The following SIRPG variants were observed in gnomAD, a reference collection of about 807,000 sequenced individuals.
SIRPG encodes the protein signal regulatory protein gamma.
Under a neutral mutation model 35.7 loss-of-function variants are expected in SIRPG, and 38 were observed. That is an observed-to-expected ratio of 1.06 (90% CI 0.82 to 1.40). The LOEUF (loss-of-function observed/expected upper bound fraction) is 1.40, where lower values mean the gene tolerates loss of function less well. SIRPG is among the 40% of genes most tolerant of loss of function. The probability of loss-of-function intolerance (pLI) is 0.00; values close to 1 mark genes in which losing one functional copy is unlikely to be tolerated. For synonymous variants in SIRPG, 215 were observed against 190.4 expected (o/e 1.13, Z -1.06); for missense variants, 519 against 483.0 (o/e 1.07, Z -0.70).
intron 3 of SIRPG, 31 bp downstream of exon 3, chr20:1,636,157 T>A (rs752836254): frequency 6.2e-7 from 1 of 1,605,320 alleles, no homozygotes; most frequent in South Asian, 1.1e-5. Flanking sequence ...CAGCCAGGTG[T>A]GGGCTTGGGC....
intron 2 of SIRPG, among the ~76,000 whole-genome samples, 168 bp downstream of exon 2, chr20:1,648,884 G>T (rs1011947720): frequency 2.0e-5 from 3 of 152,168 alleles, no homozygotes; most frequent in Non-Finnish European, 4.4e-5. Context: ...TTGAGCAATA[G>T]CATGATGTCC....
At chr20:1,680,448 AC>A in the SIRPG span, among the ~76,000 whole-genome samples, 1 of 152,216 alleles carries the variant, frequency 6.6e-6, no homozygotes, top group Non-Finnish European at 1.5e-5. Context: ...CGCATTGGAA[AC>A]TAAGCTTCCA....
At chr20:1,662,428 G>A (rs1197806846), upstream of SIRPG, among the ~76,000 whole-genome samples, 4 of 152,194 alleles carry the variant, frequency 2.6e-5, no homozygotes, top group East Asian at 3.8e-4. Flanking sequence ...GAAAGGAAAA[G>A]CAATCACTTA....
Position 1,636,302 on chromosome 20 carries a change from T to A in SIRPG, c.634A>T (p.Arg212Trp). The A allele has an allele frequency of 1.2e-6, 2 of 1,614,218 alleles. No individual in the cohort carries two copies. The highest frequency in any genetic ancestry group is 1.7e-6 in the Non-Finnish European group (2 of 1,180,026). The part of the protein sequence containing the change: ...SVAYSIRSTA[R>W]VVLDPWDVRS... ...ACGTCCCAGGGGTCCAGTACCACCC[T>A]GGCTGTGCTGCGGATGCTGTAGGCC... is the stretch of plus-strand genomic sequence containing the variant. The change falls in exon 3 of 6, where the codon AGG (arginine) becomes TGG (tryptophan). Residue 212 changes from arginine (R) to tryptophan (W), a missense_variant. Transcript: ENST00000303415.
intron 1 of SIRPG, among the ~76,000 whole-genome samples, chr20:1,652,263 T>A (rs1331083156): frequency 2.0e-5 from 3 of 152,248 alleles, no homozygotes; most frequent in Non-Finnish European, 2.9e-5. Context: ...CTAGGGGGAA[T>A]ATTTCCTGTT....
At chr20:1,667,647 A>G in the SIRPG span, among the ~76,000 whole-genome samples, 5,078 of 152,308 alleles carry the variant, frequency 0.033, 127 homozygotes, top group Middle Eastern at 0.058. Flanking sequence ...ATGATTATTC[A>G]TAAGGAGGTG....
intron 1 of SIRPG, among the ~76,000 whole-genome samples, chr20:1,654,922 A>C (rs549635633): frequency 6.6e-6 from 1 of 152,246 alleles, no homozygotes; most frequent in Admixed American, 6.5e-5. Context: ...AAGTCAGCGT[A>C]TAAAAAAAAA....
At chr20:1,645,949 C>T (rs2122521227) in intron 2 of SIRPG, 1 of 152,352 alleles carries the variant, frequency 6.6e-6, no homozygotes, top group Middle Eastern at 3.4e-3. Context: ...ATTACACAAC[C>T]TTGAAATAGC....
At chr20:1,665,147 G>C in the SIRPG span, 1 of 152,780 alleles carries the variant, frequency 6.5e-6, no homozygotes, top group Admixed American at 6.5e-5. Flanking sequence ...AGACTCCCAA[G>C]GGTGCAGAGG....
chr20:1,649,143 A>G lies in SIRPG; in HGVS notation c.339T>C (p.Asp113=), dbSNP rs2091919638. ...SIRISSITPA[D]VGTYYCVKFR... is the part of the protein sequence containing the mutation. ...ACTTCACACAGTAGTATGTGCCGAC[A>G]TCTGCTGGGGTGATGCTACTGATGC... The change falls in exon 2 of 6, where the codon GAT becomes GAC. Residue 113 remains aspartate (D), a synonymous_variant. Transcript: ENST00000303415. 6.2e-7 allele frequency: 1 copy of G among 1,613,896 alleles called. No homozygotes were observed. Among genetic ancestry groups the G allele is most frequent in the African/African-American group, 1.3e-5 (1 of 74,888 alleles).
At chr20:1,682,385 C>G in the SIRPG span, among the ~76,000 whole-genome samples, 2 of 152,162 alleles carry the variant, frequency 1.3e-5, no homozygotes, top group African/African-American at 4.8e-5. Context: ...ATGTGACACA[C>G]TACATAAACA....
At chr20:1,640,400 C>T (rs2091842925) in intron 2 of SIRPG, among the ~76,000 whole-genome samples, 2 of 152,100 alleles carry the variant, frequency 1.3e-5, no homozygotes, top group Non-Finnish European at 2.9e-5. Flanking sequence ...CATGATTTGG[C>T]TCTCTGCTTG....
chr20:1,631,595 C>T lies in SIRPG; in HGVS notation c.1082-1289G>A, dbSNP rs117088963. Among the ~76,000 whole-genome samples the T allele has an allele frequency of 2.8e-3, 432 of 152,276 alleles. 2 individuals are homozygous for T. Among genetic ancestry groups the T allele is most frequent in the Middle Eastern group, 6.8e-3 (2 of 294 alleles). ...CATTCCTGTATCCATCTCTAGTCTG[C>T]CTTACAGAGAAACTGACCTTGGTAA... On this transcript the variant is annotated intron_variant, in intron 4 of 5. Transcript: ENST00000303415.
the SIRPG span, among the ~76,000 whole-genome samples, chr20:1,684,315 C>T: frequency 2.0e-5 from 3 of 151,934 alleles, no homozygotes; most frequent in Admixed American, 2.0e-4. Flanking sequence ...CATTTCTTTT[C>T]TGAGACATTT....
In SIRPG at chr20:1,635,256, A is replaced by G. The variant is rs1357677419; in HGVS notation, c.1081+11T>C. The G allele has an allele frequency of 3.2e-6, 5 of 1,568,262 alleles. No homozygotes were observed. The Admixed American group carries it at 7.9e-5, about 25-fold the overall frequency. ...AAAAAGACAAAATTTAAAAATTTTG[A>G]GTAACCTCACCAGGGGTAGCATCTG... is the stretch of plus-strand genomic sequence containing the variant. On this transcript the variant is annotated intron_variant, in intron 4 of 5. Transcript: ENST00000303415.
At chr20:1,635,934 A>G (rs2091795673) in intron 3 of SIRPG, among the ~76,000 whole-genome samples, 1 of 152,152 alleles carries the variant, frequency 6.6e-6, no homozygotes, top group African/African-American at 2.4e-5. Flanking sequence ...CATAGTAGGT[A>G]CTCACTAATA....
chr20:1,642,534 T>C (rs1178221750), intron 2 of SIRPG, among the ~76,000 whole-genome samples: 1 of 152,228 alleles, frequency 6.6e-6, no homozygotes, highest in East Asian at 1.9e-4. Context: ...TTTGCCTGTC[T>C]ATGTCTTTTA....
chr20:1,653,035 G>A (rs909383432), intron 1 of SIRPG, among the ~76,000 whole-genome samples: 1 of 152,076 alleles, frequency 6.6e-6, no homozygotes. Flanking sequence ...CCATGTAGAG[G>A]ACTTAGTGAA....
chr20:1,673,685 A>G, the SIRPG span, among the ~76,000 whole-genome samples: 1 of 152,168 alleles, frequency 6.6e-6, no homozygotes, highest in Non-Finnish European at 1.5e-5. Flanking sequence ...CAATCCCCTC[A>G]GGAAACAAGT....
Sources: allele counts gnomAD v4.1 joint callset (sites outside exome capture counted in the v4.1 genomes callset), GRCh38; gene constraint gnomAD v4.1.1; transcripts MANE v1.5; gene names NCBI Gene and HGNC (gene_info 2026-07-23, HGNC 2026-07-21).